TIAM1: variants seen among roughly 807,000 people sequenced by gnomAD.
The protein encoded by TIAM1 is rho guanine nucleotide exchange factor TIAM1.
In TIAM1, 65 loss-of-function variants were observed where a neutral mutation model predicts 163.5. The observed-to-expected ratio is 0.40, with a 90% CI of 0.33 to 0.49. The LOEUF (loss-of-function observed/expected upper bound fraction) is 0.49, where lower values mean the gene tolerates loss of function less well. Among genes scored for constraint, TIAM1 ranks in the 20% least tolerant of loss-of-function variants. The pLI is 0.77. For missense variants in TIAM1, 1,789 were observed against 2,044.7 expected (o/e 0.87, Z 2.41); for synonymous variants, 833 against 810.1 (o/e 1.03, Z -0.48).
intron 2 of TIAM1, among the ~76,000 whole-genome samples, chr21:31,375,207 T>A (rs581394): frequency 6.6e-6 from 1 of 151,988 alleles, no homozygotes; most frequent in African/African-American, 2.4e-5. Context: ...TTCAGATAAA[T>A]AAAACATCAG....
In TIAM1 at chr21:31,327,643, C is replaced by CAAAAA. The variant is rs373702154; in HGVS notation, c.-189+11595_-189+11599dup. ...GCAACAGAGTGAAACGCCGCCATCT[C>CAAAAA]AAAAAAAAAAAAAAAAAAAGGAAAG... is the stretch of plus-strand genomic sequence containing the variant. On this transcript the variant is annotated intron_variant, in intron 2 of 27. Coordinates refer to ENST00000541036, the MANE Select transcript of TIAM1 (RefSeq NM_001353694.2). Among the ~76,000 whole-genome samples, 331 of 69,458 alleles carry CAAAAA rather than the reference C, an allele frequency of 4.8e-3. 10 individuals are homozygous for CAAAAA. Among genetic ancestry groups the CAAAAA allele is most frequent in the African/African-American group, 0.02 (299 of 15,284 alleles). 45.6% of individuals were successfully genotyped at this position (69,458 alleles called of 152,430 possible).
chr21:31,227,726 C>T (rs1348080551), intron 6 of TIAM1, among the ~76,000 whole-genome samples: 5 of 152,134 alleles, frequency 3.3e-5, no homozygotes, highest in African/African-American at 1.2e-4. Context: ...CTCCTCTTTG[C>T]AGGTCATTAT....
intron 2 of TIAM1, among the ~76,000 whole-genome samples, chr21:31,422,992 C>T (rs937942552): frequency 2.0e-3 from 25 of 12,604 alleles, no homozygotes; most frequent in Non-Finnish European, 3.7e-3. Flanking sequence ...TCTCTCTTTA[C>T]TGTATCACTG....
At chr21:31,540,735 T>C (rs192185158) in intron 1 of TIAM1, among the ~76,000 whole-genome samples, 4 of 152,356 alleles carry the variant, frequency 2.6e-5, no homozygotes, top group Admixed American at 1.3e-4. Flanking sequence ...TGTTTGTTTT[T>C]TTTGCTCTGA....
chr21:31,322,648 G>A (rs1160114551), intron 2 of TIAM1, among the ~76,000 whole-genome samples: 1 of 152,176 alleles, frequency 6.6e-6, no homozygotes. Context: ...GCCTGTCTCT[G>A]TGTCACGATG....
At chr21:31,184,042 G>A (rs140618842) in intron 14 of TIAM1, among the ~76,000 whole-genome samples, 4 of 152,244 alleles carry the variant, frequency 2.6e-5, no homozygotes, top group East Asian at 1.9e-4. Flanking sequence ...TCTGTCTCCC[G>A]GGTTCTCCCA....
At chr21:31,393,117 G>A (rs1315072836) in intron 2 of TIAM1, among the ~76,000 whole-genome samples, 2 of 151,890 alleles carry the variant, frequency 1.3e-5, no homozygotes, top group South Asian at 2.1e-4. Context: ...CACCATGTCC[G>A]GCTAATTTTT....
At chr21:31,416,629 A>C (rs2043382391) in intron 2 of TIAM1, among the ~76,000 whole-genome samples, 2 of 152,164 alleles carry the variant, frequency 1.3e-5, no homozygotes. Flanking sequence ...AGCTCCATCC[A>C]AGTTGCGCAA....
intron 2 of TIAM1, among the ~76,000 whole-genome samples, chr21:31,319,620 T>G (rs1469594412): frequency 6.6e-6 from 1 of 151,332 alleles, no homozygotes; most frequent in South Asian, 2.1e-4. Flanking sequence ...GTACTAAAAA[T>G]ACAAAAAAAA....
At chr21:31,317,537 T>A (rs2075168983) in intron 2 of TIAM1, among the ~76,000 whole-genome samples, 2 of 152,200 alleles carry the variant, frequency 1.3e-5, no homozygotes, top group Admixed American at 6.5e-5. Flanking sequence ...CCCAGCACTT[T>A]GGGAGGCCGA....
intron 15 of TIAM1, among the ~76,000 whole-genome samples, chr21:31,169,334 A>G (rs548128581): frequency 2.6e-3 from 129 of 48,938 alleles, no homozygotes; most frequent in African/African-American, 4.8e-3. Context: ...AGAAGAAGAA[A>G]GAGATAATTT....
upstream of TIAM1, among the ~76,000 whole-genome samples, chr21:31,347,714 C>A (rs1426639050): frequency 1.3e-5 from 2 of 152,166 alleles, no homozygotes; most frequent in Non-Finnish European, 2.9e-5. Flanking sequence ...ACACACATCA[C>A]CGCAAAAGAA....
At chr21:31,237,858 A>G (rs2070975591) in intron 6 of TIAM1, among the ~76,000 whole-genome samples, 1 of 152,198 alleles carries the variant, frequency 6.6e-6, no homozygotes, top group Admixed American at 6.5e-5. Context: ...TGACATCCTA[A>G]GGTAATGAAT....
chr21:31,445,141 A>G (rs1602295576), intron 2 of TIAM1, among the ~76,000 whole-genome samples: 2 of 142,516 alleles, frequency 1.4e-5, no homozygotes, highest in South Asian at 2.4e-4. Flanking sequence ...CATATGAGAT[A>G]CAACATCAAA....
At chr21:31,164,926 T>A (rs1029233733) in intron 16 of TIAM1, 36 bp downstream of exon 16, 1 of 1,599,888 alleles carries the variant, frequency 6.3e-7, no homozygotes, top group African/African-American at 1.3e-5. Context: ...TCTTCAGTGG[T>A]TCAAAGCATG....
intron 6 of TIAM1, among the ~76,000 whole-genome samples, chr21:31,242,149 A>C (rs2146703784): frequency 6.6e-6 from 1 of 152,340 alleles, no homozygotes; most frequent in Non-Finnish European, 1.5e-5. Flanking sequence ...ACTAAAATAA[A>C]CCATGTCTAA....
At chr21:31,468,321 T>C (rs1296926309) in intron 1 of TIAM1, among the ~76,000 whole-genome samples, 1 of 140,946 alleles carries the variant, frequency 7.1e-6, no homozygotes, top group Non-Finnish European at 1.5e-5. Flanking sequence ...ACTGAAAAAA[T>C]AGAAAAAAAA....
At chr21:31,447,848 G>T (rs911545803) in intron 2 of TIAM1, among the ~76,000 whole-genome samples, 4 of 152,198 alleles carry the variant, frequency 2.6e-5, no homozygotes, top group Non-Finnish European at 4.4e-5. Context: ...ATTGGCTCGT[G>T]TGATTATGGA....
At chr21:31,358,293 G>A (rs1224182307) in intron 2 of TIAM1, among the ~76,000 whole-genome samples, 2 of 152,094 alleles carry the variant, frequency 1.3e-5, no homozygotes, top group African/African-American at 2.4e-5. Flanking sequence ...ACTTCTCCAC[G>A]CGGTCCTGCT....
Sources: allele counts gnomAD v4.1 joint callset (sites outside exome capture counted in the v4.1 genomes callset), GRCh38; gene constraint gnomAD v4.1.1; transcripts MANE v1.5; gene names NCBI Gene and HGNC (gene_info 2026-07-23, HGNC 2026-07-21).